The following SORCS2 variants were observed in gnomAD, a reference collection of about 807,000 sequenced individuals.
The protein encoded by SORCS2 is sortilin related VPS10 domain containing receptor 2.
SORCS2 carries 100 observed loss-of-function variants against 141.6 expected under a neutral mutation model. The observed-to-expected ratio is 0.71, with a 90% CI of 0.60 to 0.83. The LOEUF (loss-of-function observed/expected upper bound fraction) is 0.83, where lower values mean the gene tolerates loss of function less well. Among genes scored for constraint, SORCS2 ranks in the 40% least tolerant of loss-of-function variants. SORCS2 has a pLI of 0.00. For missense variants in SORCS2, 1,646 were observed against 1,560.2 expected, an observed-to-expected ratio of 1.05 and a Z score of -0.93; for synonymous variants, 789 against 676.9, an observed-to-expected ratio of 1.17 and a Z score of -2.57.
chr4:7,521,343 C>A (rs1454090901), intron 2 of SORCS2, among the ~76,000 whole-genome samples: 1 of 152,138 alleles, frequency 6.6e-6, no homozygotes, highest in African/African-American at 2.4e-5. Flanking sequence ...CACTGGGCAC[C>A]CCCTCCGGCA....
intron 23 of SORCS2, 55 bp from the exon 24 acceptor site, chr4:7,733,267 T>G: frequency 2.4e-6 from 3 of 1,267,108 alleles, no homozygotes; most frequent in Non-Finnish European, 2.1e-6. Context: ...CCCCTTCCCT[T>G]TTGGCAGAGG....
At chr4:7,570,117 T>G (rs1240899751) in intron 3 of SORCS2, among the ~76,000 whole-genome samples, 1 of 152,186 alleles carries the variant, frequency 6.6e-6, no homozygotes, top group Non-Finnish European at 1.5e-5. Context: ...AAGGTGTTAT[T>G]GATAGAGCCG....
intron 3 of SORCS2, among the ~76,000 whole-genome samples, chr4:7,552,319 C>T (rs1296026571): frequency 1.3e-5 from 2 of 152,102 alleles, no homozygotes. Flanking sequence ...GAAAGAATCC[C>T]AGGAAGGTGT....
intron 3 of SORCS2, among the ~76,000 whole-genome samples, chr4:7,581,872 C>T (rs1716180508): frequency 6.6e-6 from 1 of 152,180 alleles, no homozygotes; most frequent in South Asian, 2.1e-4. Flanking sequence ...TGTAAATTTA[C>T]CACCTAGAAA....
intron 2 of SORCS2, among the ~76,000 whole-genome samples, chr4:7,450,414 A>G (rs1023840386): frequency 3.9e-5 from 6 of 152,178 alleles, no homozygotes; most frequent in South Asian, 2.1e-4. Context: ...GAAGTTGTCA[A>G]CCATCACGGT....
At chr4:7,675,066 G>T (rs7691571) in intron 8 of SORCS2, among the ~76,000 whole-genome samples, 7,033 of 152,216 alleles carry the variant, frequency 0.046, 520 homozygotes, top group African/African-American at 0.16. Context: ...TTCAATATGG[G>T]CCTGTCTGGA....
At chr4:7,678,368 A>C (rs1343479207) in intron 9 of SORCS2, among the ~76,000 whole-genome samples, 2 of 150,916 alleles carry the variant, frequency 1.3e-5, no homozygotes, top group Admixed American at 1.3e-4. Flanking sequence ...TGCCCTCCCA[A>C]GGGATGGCCC....
At chr4:7,485,475 G>A (rs965381541) in intron 2 of SORCS2, among the ~76,000 whole-genome samples, 2 of 152,236 alleles carry the variant, frequency 1.3e-5, no homozygotes, top group Non-Finnish European at 2.9e-5. Context: ...GGAGCCCCAG[G>A]GCCCCCTGCC....
chr4:7,531,519 T>C lies in SORCS2; in HGVS notation c.549-11T>C. ...GGTACATGGCTGACGGCTGTCCCCC[T>C]TTTCCCCCAGGTCATCAGATTTCGG... is the stretch of plus-strand genomic sequence containing the variant. On this transcript the variant is annotated splice_polypyrimidine_tract_variant and intron_variant, in intron 2 of 26. Transcript: ENST00000507866. 6.2e-7 allele frequency: 1 copy of C among 1,610,180 alleles called. No individual in the cohort carries two copies. The highest frequency in any genetic ancestry group is 8.5e-7 in the Non-Finnish European group (1 of 1,177,252).
chr4:7,570,572 C>T (rs538187271), intron 3 of SORCS2, among the ~76,000 whole-genome samples: 2 of 152,358 alleles, frequency 1.3e-5, no homozygotes, highest in South Asian at 2.1e-4. Context: ...CCTGTAGATC[C>T]GCCACCCTGC....
At chr4:7,263,552 C>T (rs1055088471) in intron 1 of SORCS2, among the ~76,000 whole-genome samples, 1 of 152,312 alleles carries the variant, frequency 6.6e-6, no homozygotes, top group South Asian at 2.1e-4. Context: ...TGTGGAGTTC[C>T]CACGGACTCC....
intron 1 of SORCS2, among the ~76,000 whole-genome samples, chr4:7,356,479 C>T (rs1022422307): frequency 7.9e-5 from 12 of 152,142 alleles, no homozygotes; most frequent in Non-Finnish European, 1.3e-4. Context: ...AGTGTGTGAG[C>T]ATGGAGAGAG....
intron 6 of SORCS2, among the ~76,000 whole-genome samples, chr4:7,662,427 C>T (rs1722236865): frequency 6.6e-6 from 1 of 152,120 alleles, no homozygotes; most frequent in Admixed American, 6.5e-5. Context: ...CCTCAGGCAC[C>T]CTGCCAGCCA....
At chr4:7,418,065 C>T (rs1012379994) in intron 2 of SORCS2, among the ~76,000 whole-genome samples, 3 of 152,172 alleles carry the variant, frequency 2.0e-5, no homozygotes, top group Admixed American at 1.3e-4. Flanking sequence ...GCTGGAGGCT[C>T]TTACCAGTTA....
intron 2 of SORCS2, among the ~76,000 whole-genome samples, chr4:7,415,569 A>T (rs900913097): frequency 6.6e-6 from 1 of 152,162 alleles, no homozygotes; most frequent in African/African-American, 2.4e-5. Flanking sequence ...CCTTAATCAG[A>T]CCTGCAAAGT....
intron 3 of SORCS2, among the ~76,000 whole-genome samples, chr4:7,603,537 C>T (rs1717872942): frequency 6.6e-6 from 1 of 152,144 alleles, no homozygotes; most frequent in South Asian, 2.1e-4. Context: ...GGCTCATTTT[C>T]AGAGCTGTTT....
rs571369812 is a variant in SORCS2, at chr4:7,733,350, A to G, written c.3137A>G (p.Asn1046Ser). The G allele has an allele frequency of 1.5e-5, 23 of 1,571,344 alleles. No individual in the cohort carries two copies. In the East Asian group the frequency reaches 5.2e-4, roughly 36 times the overall value. ...CTCGCCGCCATCCAGCAGGTGCTGAACGCACAGAAGATCAGCTTCCTCCTG... is the reference window on the plus strand; with the variant it reads ...CTCGCCGCCATCCAGCAGGTGCTGAGCGCACAGAAGATCAGCTTCCTCCTG... ...KRLAAIQQVL[N>S]AQKISFLLRG... The change falls in exon 24 of 27, where the codon AAC becomes AGC. Residue 1046 changes from asparagine to serine, a missense_variant. By Grantham distance (46) the Asn-to-Ser change is conservative. Transcript: ENST00000507866.
At chr4:7,590,646 G>A (rs1424882247) in intron 3 of SORCS2, among the ~76,000 whole-genome samples, 1 of 152,186 alleles carries the variant, frequency 6.6e-6, no homozygotes, top group African/African-American at 2.4e-5. Flanking sequence ...AGAGACAAAG[G>A]GGCAAGGTCA....
At chr4:7,403,963 A>ATG (rs1724758985) in intron 2 of SORCS2, among the ~76,000 whole-genome samples, 6 of 59,866 alleles carry the variant, frequency 1.0e-4, no homozygotes, top group African/African-American at 4.1e-4. Context: ...CCATGTGTGT[A>ATG]TATATATATA....
Sources: allele counts gnomAD v4.1 joint callset (sites outside exome capture counted in the v4.1 genomes callset), GRCh38; gene constraint gnomAD v4.1.1; transcripts MANE v1.5; gene names NCBI Gene and HGNC (gene_info 2026-07-23, HGNC 2026-07-21).